Variants in RBMS3 observed in about 807,000 individuals in gnomAD.
RBMS3 encodes the protein RNA binding motif single stranded interacting protein 3, also known as RNA-binding motif, single-stranded-interacting protein 3.
RBMS3 carries 27 observed loss-of-function variants against 66.8 expected under a neutral mutation model. The ratio of observed to expected loss-of-function variants is 0.40; its 90% confidence interval spans 0.30 to 0.56. The LOEUF (loss-of-function observed/expected upper bound fraction) is 0.56, where lower values mean the gene tolerates loss of function less well. Among genes scored for constraint, RBMS3 ranks in the 20% least tolerant of loss-of-function variants. The probability of loss-of-function intolerance (pLI) is 0.40; values close to 1 mark genes in which losing one functional copy is unlikely to be tolerated. For missense variants in RBMS3, 513 were observed against 549.5 expected, an observed-to-expected ratio of 0.93 and a Z score of 0.66; for synonymous variants, 188 against 183.0, an observed-to-expected ratio of 1.03 and a Z score of -0.22.
chr3:29,671,998 G>A (rs1161164954), intron 4 of RBMS3, among the ~76,000 whole-genome samples: 2 of 152,176 alleles, frequency 1.3e-5, no homozygotes, highest in African/African-American at 4.8e-5. Flanking sequence ...ATTCACAAAG[G>A]TTGTAATGAA....
intron 4 of RBMS3, chr3:29,615,095 G>A (rs144911317): frequency 2.0e-5 from 3 of 152,550 alleles, no homozygotes; most frequent in Admixed American, 2.0e-4. Flanking sequence ...ATTAATAGCA[G>A]ATCTTGAACT....
intron 1 of RBMS3, among the ~76,000 whole-genome samples, chr3:29,400,078 G>C (rs1398084224): frequency 6.6e-6 from 1 of 152,054 alleles, no homozygotes; most frequent in Non-Finnish European, 1.5e-5. Flanking sequence ...TATTTGGCTA[G>C]AGCAGTAATA....
At chr3:29,433,549 G>GA (rs1226381092) in intron 1 of RBMS3, among the ~76,000 whole-genome samples, 16 of 151,816 alleles carry the variant, frequency 1.1e-4, no homozygotes, top group African/African-American at 3.6e-4. Context: ...TCAACTTTTT[G>GA]AAAAAATCTT....
chr3:29,520,510 A>G lies in RBMS3; in HGVS notation c.307+32011A>G, dbSNP rs1410434043. On this transcript the variant is annotated intron_variant, in intron 3 of 14. Transcript: ENST00000383767. ...AAGATGTTTTCAGTGAGTTAAATAT[A>G]CACCAACAGCATAGAAAGTGAACAA... Among the ~76,000 whole-genome samples, 3 of 152,316 alleles carry G rather than the reference A, an allele frequency of 2.0e-5. No individual in the cohort carries two copies. In the South Asian group the frequency reaches 6.2e-4, roughly 32 times the overall value.
At chr3:29,322,198 A>G (rs2035048099) in intron 1 of RBMS3, among the ~76,000 whole-genome samples, 2 of 150,700 alleles carry the variant, frequency 1.3e-5, no homozygotes, top group South Asian at 4.2e-4. Flanking sequence ...CGTCTGGCTT[A>G]TTTGAGTCAA....
intron 1 of RBMS3, among the ~76,000 whole-genome samples, chr3:29,413,367 CTCAT>C (rs200907425): frequency 0.027 from 3,853 of 144,072 alleles, 65 homozygotes; most frequent in Non-Finnish European, 0.031. Context: ...GAAACTCCAT[CTCAT>C]TCATACATAC....
At chr3:29,395,563 A>C (rs567483120) in intron 1 of RBMS3, among the ~76,000 whole-genome samples, 1 of 152,228 alleles carries the variant, frequency 6.6e-6, no homozygotes, top group Non-Finnish European at 1.5e-5. Context: ...AGCTACATTT[A>C]AGCAAATGCT....
At chr3:29,491,817 C>A (rs941903778) in intron 3 of RBMS3, among the ~76,000 whole-genome samples, 1 of 152,124 alleles carries the variant, frequency 6.6e-6, no homozygotes, top group Non-Finnish European at 1.5e-5. Context: ...AACCGTGAAA[C>A]CCTGTCTCTA....
intron 6 of RBMS3, among the ~76,000 whole-genome samples, chr3:29,811,051 T>C (rs2057715209): frequency 6.6e-6 from 1 of 152,146 alleles, no homozygotes; most frequent in South Asian, 2.1e-4. Context: ...AGCATAATTC[T>C]TTCTCTCTTT....
intron 12 of RBMS3, among the ~76,000 whole-genome samples, chr3:29,979,807 TG>T (rs1697858460): frequency 6.6e-6 from 1 of 152,258 alleles, no homozygotes; most frequent in African/African-American, 2.4e-5. Context: ...GGTGTATATG[TG>T]CCACATTTTC....
chr3:29,938,804 T>C lies in RBMS3; in HGVS notation c.1050+2608T>C, dbSNP rs573659930. Among the ~76,000 whole-genome samples, 8 of 152,126 alleles carry C rather than the reference T, an allele frequency of 5.3e-5. No individual in the cohort carries two copies. In the East Asian group the frequency reaches 1.4e-3, roughly 26 times the overall value. Reference sequence around the variant, plus strand: ...TTTAAACTTGAGTTCAAAACCTGACTTTGTTCCCTTATTAGCTCTGCATGT... The same window carrying C: ...TTTAAACTTGAGTTCAAAACCTGACCTTGTTCCCTTATTAGCTCTGCATGT... On this transcript the variant is annotated intron_variant, in intron 11 of 14. Coordinates refer to ENST00000383767, the MANE Select transcript of RBMS3 (RefSeq NM_001003793.3).
chr3:29,771,266 T>C (rs1278154055), intron 6 of RBMS3, among the ~76,000 whole-genome samples: 1 of 152,052 alleles, frequency 6.6e-6, no homozygotes, highest in African/African-American at 2.4e-5. Context: ...TGAAGGTTCA[T>C]TTGTCCCATT....
intron 3 of RBMS3, among the ~76,000 whole-genome samples, chr3:29,585,793 G>A (rs1048041789): frequency 6.6e-6 from 1 of 151,890 alleles, no homozygotes; most frequent in Non-Finnish European, 1.5e-5. Flanking sequence ...AGTACTTACA[G>A]AACAGGCTTC....
At chr3:29,770,233 T>C (rs2056138730) in intron 6 of RBMS3, among the ~76,000 whole-genome samples, 1 of 151,944 alleles carries the variant, frequency 6.6e-6, no homozygotes, top group Non-Finnish European at 1.5e-5. Context: ...CATAGAAAGA[T>C]AAATGTCTTG....
intron 4 of RBMS3, among the ~76,000 whole-genome samples, chr3:29,625,318 A>G (rs921889165): frequency 4.6e-5 from 7 of 152,232 alleles, no homozygotes; most frequent in African/African-American, 1.7e-4. Context: ...TTTCTGTGGC[A>G]TTTTTGTAAC....
intron 6 of RBMS3, among the ~76,000 whole-genome samples, chr3:29,864,039 A>G (rs948855321): frequency 6.6e-6 from 1 of 152,172 alleles, no homozygotes; most frequent in Non-Finnish European, 1.5e-5. Flanking sequence ...AAAGGTAGAG[A>G]TGGTCTCTTT....
At chr3:29,843,956 A>T (rs1267506074) in intron 6 of RBMS3, among the ~76,000 whole-genome samples, 3 of 140,384 alleles carry the variant, frequency 2.1e-5, no homozygotes, top group South Asian at 4.4e-4. Context: ...TTTCTCAAAG[A>T]AAAAAAAAAA....
intron 4 of RBMS3, among the ~76,000 whole-genome samples, chr3:29,633,256 T>G (rs2049349854): frequency 6.6e-6 from 1 of 151,870 alleles, no homozygotes; most frequent in Non-Finnish European, 1.5e-5. Context: ...TAGATAGGCA[T>G]AGAGCCTTAT....
chr3:29,349,225 G>A (rs1312099185), intron 1 of RBMS3, among the ~76,000 whole-genome samples: 1 of 151,976 alleles, frequency 6.6e-6, no homozygotes, highest in Non-Finnish European at 1.5e-5. Flanking sequence ...AATTCTCTCT[G>A]CAGGAATCTC....
Sources: gnomAD v4.1 joint callset for allele counts (sites outside exome capture counted in the v4.1 genomes callset) on GRCh38, gnomAD v4.1.1 for gene constraint, MANE v1.5 for transcripts, NCBI Gene and HGNC (gene_info 2026-07-23, HGNC 2026-07-21) for gene names.